PAAF1: variants seen among roughly 807,000 people sequenced by gnomAD.
PAAF1 encodes proteasomal ATPase-associated factor 1.
In PAAF1, 46 loss-of-function variants were observed where a neutral mutation model predicts 52.8. The ratio of observed to expected loss-of-function variants is 0.87; its 90% CI spans 0.69 to 1.11. The LOEUF is 1.11. Among genes scored for constraint, PAAF1 ranks in the 50% most tolerant of loss-of-function variants. The pLI, the probability that PAAF1 is intolerant of heterozygous loss-of-function variation, is 0.00. For synonymous variants in PAAF1, 178 were observed against 172.8 expected (o/e 1.03, Z -0.24); for missense variants, 424 against 477.4 (o/e 0.89, Z 1.04).
intron 9 of PAAF1, 73 bp downstream of exon 9, chr11:73,916,733 T>TAA: frequency 4.1e-6 from 4 of 973,114 alleles, no homozygotes; most frequent in Non-Finnish European, 6.4e-6. Flanking sequence ...AACATTGATT[T>TAA]AGCCTAGCAT....
intron 8 of PAAF1, among the ~76,000 whole-genome samples, chr11:73,914,821 C>T (rs1005522824): frequency 6.6e-6 from 1 of 151,488 alleles, no homozygotes; most frequent in African/African-American, 2.4e-5. Context: ...GATTCTCCTG[C>T]ATCAGCCTCC....
rs561995831 is a variant in PAAF1 at position 73,905,305 on chromosome 11, C to T, written c.533-4094C>T. On this transcript the variant is annotated intron_variant, in intron 6 of 11. Transcript: ENST00000310571. ...GTGGCGTGATCTCAGCTCAGTGCAACCTCCGCCTCCTGGGTTCAAGTGATT... is the reference window on the plus strand; with the variant it reads ...GTGGCGTGATCTCAGCTCAGTGCAATCTCCGCCTCCTGGGTTCAAGTGATT... Among the ~76,000 whole-genome samples, 5 of 152,034 alleles carry T rather than the reference C, an allele frequency of 3.3e-5. No individual in the cohort carries two copies. In the South Asian group the frequency reaches 6.2e-4, roughly 19 times the overall value.
chr11:73,893,989 G>A (rs990909781), intron 4 of PAAF1, among the ~76,000 whole-genome samples: 2 of 152,090 alleles, frequency 1.3e-5, no homozygotes, highest in Non-Finnish European at 2.9e-5. Flanking sequence ...TTTTTGTAGC[G>A]GTGGAGTCCT....
rs1949086752 is a variant in PAAF1 at position 73,887,253 on chromosome 11, C to T, written c.89-101C>T. The T allele has an allele frequency of 3.9e-6, 3 of 772,870 alleles. No individual in the cohort carries two copies. In the South Asian group the frequency reaches 5.7e-5, roughly 15 times the overall value. The allele number at this position is 772,870 out of a possible 1,614,324, so 47.9% of individuals were successfully genotyped here. On this transcript the variant is annotated intron_variant, in intron 2 of 11. Coordinates refer to ENST00000310571, the MANE Select transcript of PAAF1 (RefSeq NM_025155.3). ...CTGTTTTTCTTTCGTGGGCCAATTT[C>T]ATGGGTATACTATTTATACAGATGC...
intron 2 of PAAF1, among the ~76,000 whole-genome samples, chr11:73,885,171 C>T (rs969973266): frequency 6.6e-6 from 1 of 151,638 alleles, no homozygotes; most frequent in African/African-American, 2.4e-5. Flanking sequence ...TGGAGTCTCA[C>T]TCTGTCACCC....
At chr11:73,918,464 TTC>T (rs1199706812) in intron 9 of PAAF1, among the ~76,000 whole-genome samples, 1 of 149,564 alleles carries the variant, frequency 6.7e-6, no homozygotes, top group Non-Finnish European at 1.5e-5. Context: ...TCACTCAGCT[TTC>T]TCTTTCTTTT....
chr11:73,925,712 A>G (rs867395334), intron 11 of PAAF1, among the ~76,000 whole-genome samples: 7 of 152,166 alleles, frequency 4.6e-5, no homozygotes, highest in Non-Finnish European at 1.0e-4. Flanking sequence ...AACGTTTTAT[A>G]TACGTTATCT....
At chr11:73,912,941 T>G (rs903324285) in intron 7 of PAAF1, among the ~76,000 whole-genome samples, 1 of 152,120 alleles carries the variant, frequency 6.6e-6, no homozygotes, top group Non-Finnish European at 1.5e-5. Context: ...CAGTGGCACG[T>G]TCTCGGCTCA....
At chr11:73,920,390 G>A (rs1212220050) in intron 10 of PAAF1, among the ~76,000 whole-genome samples, 1 of 151,916 alleles carries the variant, frequency 6.6e-6, no homozygotes, top group African/African-American at 2.4e-5. Flanking sequence ...AATTAGCCAG[G>A]CATGGTGGTT....
intron 8 of PAAF1, among the ~76,000 whole-genome samples, chr11:73,915,910 C>T (rs11235948): frequency 0.11 from 16,253 of 152,070 alleles, 919 homozygotes; most frequent in East Asian, 0.18. Context: ...TTGCTAATAT[C>T]GCCTTTGTAC....
chr11:73,927,142 C>T (rs7114340), intron 11 of PAAF1, 143 bp from the exon 12 acceptor site: 36,650 of 656,778 alleles, frequency 0.056, 1,124 homozygotes, highest in Middle Eastern at 0.075. Flanking sequence ...TTTTTGTAAG[C>T]ACATAATTAT....
In PAAF1 at chr11:73,928,002, C is replaced by T. The variant is rs1203320353; in HGVS notation, c.*640C>T. ...TCTCAAACCAACATGATTGGTCAGC[C>T]TATATGTAGGTGAGGAAACTGAATC... On this transcript the variant is annotated 3_prime_UTR_variant, in exon 12 of 12. Coordinates refer to ENST00000310571, the MANE Select transcript of PAAF1 (RefSeq NM_025155.3). 6.5e-6 allele frequency: 1 copy of T among 152,842 alleles called. No homozygotes were observed. The highest frequency in any genetic ancestry group is 1.5e-5 in the Non-Finnish European group (1 of 68,574). The allele number at this position is 152,842 out of a possible 1,614,324, so 9.5% of individuals were successfully genotyped here. A position where few individuals can be genotyped will look rare whatever the true frequency, so the allele number is the denominator to read the frequency against.
chr11:73,921,781 C>T, intron 10 of PAAF1: 1 of 1,205,608 alleles, frequency 8.3e-7, no homozygotes, highest in Non-Finnish European at 1.2e-6. Context: ...AGTCTCTTGC[C>T]TTAGATGTTG....
chr11:73,896,385 A>C (rs1949366159), intron 4 of PAAF1, among the ~76,000 whole-genome samples: 2 of 150,258 alleles, frequency 1.3e-5, no homozygotes, highest in South Asian at 4.2e-4. Flanking sequence ...AGTGGAGAGA[A>C]GGTCAGCAGA....
At position 73,927,883 on chromosome 11, in the gene PAAF1, A is replaced by C. The variant is rs1950404238; in HGVS notation, c.*521A>C. 1 of 154,776 alleles carries C rather than the reference A, an allele frequency of 6.5e-6. No individual in the cohort carries two copies. Among genetic ancestry groups the C allele is most frequent in the African/African-American group, 2.4e-5 (1 of 41,436 alleles). 9.6% of individuals were successfully genotyped at this position (154,776 alleles called of 1,614,324 possible). ...TGTCCTGTAAGCTGCCACCTGGGAG[A>C]GATTCTTATGCAGGTGGTAACCAAC... On this transcript the variant is annotated 3_prime_UTR_variant, in exon 12 of 12. Transcript: ENST00000310571.
rs1368489660 is a variant in PAAF1, at chr11:73,903,365, C to T, written c.532+2945C>T. On this transcript the variant is annotated intron_variant, in intron 6 of 11. Coordinates refer to ENST00000310571, the MANE Select transcript of PAAF1 (RefSeq NM_025155.3). ...ATAGCTTAGCAACCTATAGATTGAC[C>T]GATCATCACTGTCTCCAACCAAATG... Among the ~76,000 whole-genome samples the T allele has an allele frequency of 1.4e-4, 21 of 152,242 alleles. No individual in the cohort carries two copies. The East Asian group carries it at 2.5e-3, about 18-fold the overall frequency.
At chr11:73,912,170 C>G (rs1298251340) in intron 7 of PAAF1, among the ~76,000 whole-genome samples, 3 of 152,174 alleles carry the variant, frequency 2.0e-5, no homozygotes, top group African/African-American at 7.2e-5. Flanking sequence ...CTATTAAGTT[C>G]TGGGCCCTCA....
intron 6 of PAAF1, among the ~76,000 whole-genome samples, chr11:73,906,899 T>G (rs1034105185): frequency 1.3e-5 from 2 of 152,202 alleles, no homozygotes; most frequent in Non-Finnish European, 2.9e-5. Flanking sequence ...TTACTCTTAA[T>G]TTATTGGGCA....
At chr11:73,921,738 A>C in intron 10 of PAAF1, 1 of 1,147,610 alleles carries the variant, frequency 8.7e-7, no homozygotes, top group South Asian at 1.2e-5. Flanking sequence ...TATCATTCTG[A>C]GGGTCGAAAA....
Sources: gnomAD v4.1 joint callset for allele counts (sites outside exome capture counted in the v4.1 genomes callset) on GRCh38, gnomAD v4.1.1 for gene constraint, MANE v1.5 for transcripts, NCBI Gene and HGNC (gene_info 2026-07-23, HGNC 2026-07-21) for gene names.